Variants in MTUS1 observed in about 807,000 individuals in gnomAD.
The protein encoded by MTUS1 is microtubule associated scaffold protein 1.
Under a neutral mutation model 120.8 loss-of-function variants are expected in MTUS1, and 109 were observed. The ratio of observed to expected loss-of-function variants is 0.90; its 90% confidence interval spans 0.77 to 1.06. MTUS1 has a LOEUF of 1.06. MTUS1 is among the 50% of genes least tolerant of loss of function. The probability of loss-of-function intolerance (pLI) is 0.00; values close to 1 mark genes in which losing one functional copy is unlikely to be tolerated. For missense variants in MTUS1, 2,210 were observed against 1,486.3 expected (o/e 1.49, Z -8.01); for synonymous variants, 737 against 550.5 (o/e 1.34, Z -4.74).
At chr8:17,722,531 C>G (rs1166605756) in intron 4 of MTUS1, 4 of 985,158 alleles carry the variant, frequency 4.1e-6, no homozygotes, top group Non-Finnish European at 4.8e-6. Context: ...GTCACATATC[C>G]CAGTATTCCT....
chr8:17,724,003 T>G (rs1481940468), intron 3 of MTUS1, 170 bp from the exon 4 acceptor site: 1 of 605,328 alleles, frequency 1.7e-6, no homozygotes, highest in South Asian at 2.1e-5. Flanking sequence ...GCAGACATGT[T>G]TATTTTTGAT....
chr8:17,779,175 T>C (rs1586359134), intron 1 of MTUS1, among the ~76,000 whole-genome samples: 2 of 152,350 alleles, frequency 1.3e-5, no homozygotes, highest in Middle Eastern at 6.8e-3. Flanking sequence ...AAATGTGTCA[T>C]TACAGCAGTA....
At chr8:17,792,163 T>G (rs1408404221) in intron 1 of MTUS1, among the ~76,000 whole-genome samples, 1 of 152,168 alleles carries the variant, frequency 6.6e-6, no homozygotes. Flanking sequence ...TCATAATGGA[T>G]GTCATGGTGG....
rs1177055386 is a variant in MTUS1, at chr8:17,756,671, A to ACCC, written c.-154-713_-154-711dup. Among the ~76,000 whole-genome samples, 123 of 117,460 alleles carry ACCC rather than the reference A, an allele frequency of 1.0e-3. 5 individuals carry two copies. Among genetic ancestry groups the ACCC allele is most frequent in the Middle Eastern group, 4.5e-3 (1 of 220 alleles). 77.1% of individuals were successfully genotyped at this position (117,460 alleles called of 152,430 possible). On this transcript the variant is annotated intron_variant, in intron 1 of 14. Transcript: ENST00000693296. ...TCTCCAATTCATATGTCAAGCCCAA[A>ACCC]CCCCCACCCCTTATGTAACTATGTT... is the stretch of plus-strand genomic sequence containing the variant.
chr8:17,791,791 C>G (rs1041398071), intron 1 of MTUS1, among the ~76,000 whole-genome samples: 1 of 152,194 alleles, frequency 6.6e-6, no homozygotes, highest in Non-Finnish European at 1.5e-5. Flanking sequence ...CAAGCAACAC[C>G]TCCAAGGCTA....
chr8:17,657,458 C>G (rs1808610393), intron 8 of MTUS1, among the ~76,000 whole-genome samples: 1 of 149,666 alleles, frequency 6.7e-6, no homozygotes, highest in Admixed American at 6.6e-5. Context: ...GTCCCAGCTA[C>G]TTGGGAGGCT....
chr8:17,742,315 G>C (rs1375958607), intron 3 of MTUS1, among the ~76,000 whole-genome samples: 3 of 111,958 alleles, frequency 2.7e-5, no homozygotes, highest in African/African-American at 1.0e-4. Context: ...TTTTTTTAGA[G>C]ATAGTGTCTT....
At chr8:17,651,289 G>A (rs1275215665) in intron 12 of MTUS1, among the ~76,000 whole-genome samples, 1 of 152,162 alleles carries the variant, frequency 6.6e-6, no homozygotes, top group South Asian at 2.1e-4. Context: ...GAACATAGTA[G>A]GGTGACTATA....
chr8:17,722,047 C>A, intron 4 of MTUS1: 1 of 1,310,630 alleles, frequency 7.6e-7, no homozygotes, highest in Non-Finnish European at 9.7e-7. Flanking sequence ...CAGATTAAAC[C>A]AGCTAGCAAA....
intron 1 of MTUS1, among the ~76,000 whole-genome samples, chr8:17,776,662 G>C (rs1227353935): frequency 9.2e-6 from 1 of 108,958 alleles, no homozygotes; most frequent in Admixed American, 1.4e-4. Flanking sequence ...CTGGGTGACT[G>C]AGTGAGACTC....
chr8:17,744,365 C>A (rs1014753226), intron 2 of MTUS1, among the ~76,000 whole-genome samples: 1 of 152,118 alleles, frequency 6.6e-6, no homozygotes, highest in African/African-American at 2.4e-5. Context: ...TCTCCACAGC[C>A]CCTTATCTTA....
intron 6 of MTUS1, among the ~76,000 whole-genome samples, chr8:17,706,778 T>C (rs1820255828): frequency 6.6e-6 from 1 of 152,202 alleles, no homozygotes; most frequent in Non-Finnish European, 1.5e-5. Flanking sequence ...GCACCCTAAA[T>C]ATTCAAAAGT....
rs907034782 is a variant in MTUS1 at position 17,722,958 on chromosome 8, C to T, written c.2449+714G>A. Among the ~76,000 whole-genome samples the T allele has an allele frequency of 2.6e-4, 39 of 152,184 alleles. 1 individual carries two copies. Among genetic ancestry groups the T allele is most frequent in the Non-Finnish European group, 1.0e-4 (7 of 68,032 alleles). On this transcript the variant is annotated intron_variant, in intron 4 of 14. Coordinates refer to ENST00000693296, the MANE Select transcript of MTUS1 (RefSeq NM_001363059.2). ...TGTCTGGTTTTATTGGTATTCTCAT[C>T]ATCCATGAAAATACCTTCTTTTTCT...
At chr8:17,656,957 G>T (rs928803999) in intron 8 of MTUS1, among the ~76,000 whole-genome samples, 2 of 149,038 alleles carry the variant, frequency 1.3e-5, no homozygotes, top group African/African-American at 4.9e-5. Context: ...TACTCGGGAA[G>T]TTGAGGCAGG....
intron 1 of MTUS1, among the ~76,000 whole-genome samples, chr8:17,756,752 T>G (rs1416213309): frequency 1.5e-5 from 2 of 132,440 alleles, no homozygotes; most frequent in East Asian, 2.4e-4. Context: ...AAGCGTGGAG[T>G]GCTGATCCAA....
intron 8 of MTUS1, among the ~76,000 whole-genome samples, chr8:17,659,470 G>A (rs1809200727): frequency 6.6e-6 from 1 of 152,234 alleles, no homozygotes; most frequent in African/African-American, 2.4e-5. Context: ...GCCGAAGCGT[G>A]CAGATCATGA....
intron 1 of MTUS1, among the ~76,000 whole-genome samples, chr8:17,785,932 C>G (rs886759666): frequency 1.3e-5 from 2 of 152,128 alleles, no homozygotes; most frequent in African/African-American, 4.8e-5. Context: ...ATCTATTGAA[C>G]CCAGTTCAAG....
At chr8:17,714,475 T>G (rs972958369) in intron 5 of MTUS1, among the ~76,000 whole-genome samples, 1 of 152,176 alleles carries the variant, frequency 6.6e-6, no homozygotes, top group African/African-American at 2.4e-5. Flanking sequence ...AACCAGAATC[T>G]GAAACAATGA....
chr8:17,692,137 A>T (rs1817064815), intron 6 of MTUS1: 1 of 152,322 alleles, frequency 6.6e-6, no homozygotes, highest in East Asian at 1.9e-4. Context: ...CCGCTTGAGA[A>T]ATACCTGTTC....
Sources: allele counts gnomAD v4.1 joint callset (sites outside exome capture counted in the v4.1 genomes callset), GRCh38; gene constraint gnomAD v4.1.1; transcripts MANE v1.5; gene names NCBI Gene and HGNC (gene_info 2026-07-23, HGNC 2026-07-21).